The following CPEB4 variants were observed in gnomAD, a reference collection of about 807,000 sequenced individuals.
CPEB4 encodes cytoplasmic polyadenylation element-binding protein 4.
In CPEB4, 12 loss-of-function variants were observed where a neutral mutation model predicts 72.5. The observed-to-expected ratio is 0.17, with a 90% CI of 0.11 to 0.27. The LOEUF is 0.27. Among genes scored for constraint, CPEB4 ranks in the 10% least tolerant of loss-of-function variants. The pLI is 1.00. For synonymous variants in CPEB4, 302 were observed against 326.3 expected (o/e 0.93, Z 0.80); for missense variants, 614 against 908.5 (o/e 0.68, Z 4.17).
chr5:173,901,380 G>A (rs534625541), intron 1 of CPEB4, among the ~76,000 whole-genome samples: 14 of 152,238 alleles, frequency 9.2e-5, no homozygotes, highest in Non-Finnish European at 1.9e-4. Flanking sequence ...CTTCATTACA[G>A]GAGCTATAAT....
In CPEB4 at chr5:173,960,956, A is replaced by T; in HGVS notation, c.*4819A>T. On this transcript the variant is annotated 3_prime_UTR_variant, in exon 10 of 10. Coordinates refer to ENST00000265085, the MANE Select transcript of CPEB4 (RefSeq NM_030627.4). ...AACTGCATTCTCAAACTTTTAACAT[A>T]AGGATTTATTATAACAAAATATAAC... 1 of 152,356 alleles carries T rather than the reference A, an allele frequency of 6.6e-6. No homozygotes were observed. Among genetic ancestry groups the T allele is most frequent in the East Asian group, 1.9e-4 (1 of 5,192 alleles). 9.4% of individuals were successfully genotyped at this position (152,356 alleles called of 1,614,324 possible).
At chr5:173,935,075 G>A (rs1190949314) in intron 3 of CPEB4, among the ~76,000 whole-genome samples, 1 of 152,170 alleles carries the variant, frequency 6.6e-6, no homozygotes, top group African/African-American at 2.4e-5. Context: ...AAGATTCAAT[G>A]TGTGTAAATC....
At chr5:173,951,977 G>T in intron 8 of CPEB4, 39 bp downstream of exon 8, 1 of 1,305,242 alleles carries the variant, frequency 7.7e-7, no homozygotes, top group Non-Finnish European at 1.1e-6. Flanking sequence ...ACCCTATAGC[G>T]CAAGAAATAT....
In CPEB4 at chr5:173,949,944, TC is replaced by T. The variant is rs1484444994; in HGVS notation, c.1547-11del. The stretch of plus-strand genomic sequence containing the variant: ...AATAGGAAAACATGTAAGCCTTCTT[TC>T]CCCCTTTTTTCCAGGCTATGCATTC... On this transcript the variant is annotated splice_polypyrimidine_tract_variant and intron_variant, in intron 6 of 9. Coordinates refer to ENST00000265085, the MANE Select transcript of CPEB4 (RefSeq NM_030627.4). 1.3e-6 allele frequency: 2 copies of T among 1,541,372 alleles called. No individual in the cohort carries two copies. The highest frequency in any genetic ancestry group is 8.9e-7 in the Non-Finnish European group (1 of 1,117,802).
Position 173,890,411 on chromosome 5 carries a change from C to T in CPEB4, c.678C>T (p.Ile226=), listed in dbSNP as rs146138676. Residue 226 remains isoleucine, a synonymous_variant, in exon 1 of 10, where the codon ATC becomes ATT. Transcript: ENST00000265085. The part of the protein sequence containing the change: ...PGFGGSFSPQ[I]GPLSQHHPHH... Reference sequence around the variant, plus strand: ...TTGGAGGCAGCTTCTCTCCTCAGATCGGGCCTCTCTCACAGCACCACCCAC... The same window carrying T: ...TTGGAGGCAGCTTCTCTCCTCAGATTGGGCCTCTCTCACAGCACCACCCAC... The T allele has an allele frequency of 1.9e-4, 314 of 1,613,780 alleles. No homozygotes were observed. The highest frequency in any genetic ancestry group is 2.5e-4 in the Non-Finnish European group (298 of 1,179,906).
At chr5:173,954,491 G>C (rs1758315113) in intron 9 of CPEB4, among the ~76,000 whole-genome samples, 1 of 151,986 alleles carries the variant, frequency 6.6e-6, no homozygotes, top group African/African-American at 2.4e-5. Context: ...TCCTGCCTTA[G>C]CCTCCCGAGT....
At chr5:173,914,891 A>G (rs1297774946) in intron 2 of CPEB4, among the ~76,000 whole-genome samples, 2 of 152,240 alleles carry the variant, frequency 1.3e-5, no homozygotes, top group East Asian at 1.9e-4. Context: ...AATCTTAAAA[A>G]TAATTTCATA....
intron 1 of CPEB4, chr5:173,893,144 A>T (rs1252292217): frequency 6.6e-6 from 1 of 152,148 alleles, no homozygotes; most frequent in Non-Finnish European, 1.5e-5. Context: ...AATCTCTATG[A>T]CAAGAAACTC....
chr5:173,911,081 T>TAA (rs113653688), intron 2 of CPEB4, among the ~76,000 whole-genome samples: 2 of 150,038 alleles, frequency 1.3e-5, no homozygotes, highest in Admixed American at 6.6e-5. Context: ...TGTATTATGT[T>TAA]AAAAAAAAAT....
intron 9 of CPEB4, among the ~76,000 whole-genome samples, chr5:173,954,788 C>T (rs760978180): frequency 1.1e-4 from 17 of 152,144 alleles, no homozygotes; most frequent in Admixed American, 9.2e-4. Flanking sequence ...ATTTGTGTTC[C>T]TCTGCAATGA....
At chr5:173,931,608 C>G (rs1757449779) in intron 2 of CPEB4, among the ~76,000 whole-genome samples, 1 of 152,104 alleles carries the variant, frequency 6.6e-6, no homozygotes, top group Admixed American at 6.5e-5. Context: ...CATGATGATT[C>G]TTATTTTATA....
At chr5:173,954,977 C>G (rs1417311931) in intron 9 of CPEB4, among the ~76,000 whole-genome samples, 1 of 152,084 alleles carries the variant, frequency 6.6e-6, no homozygotes, top group Non-Finnish European at 1.5e-5. Context: ...CACTCTGTCA[C>G]CCAGGCTGGA....
chr5:173,948,243 A>C (rs1035809904), intron 5 of CPEB4, among the ~76,000 whole-genome samples: 7 of 152,248 alleles, frequency 4.6e-5, no homozygotes, highest in Non-Finnish European at 1.0e-4. Flanking sequence ...TAATACATGC[A>C]GGAGTCTTCA....
At chr5:173,922,039 G>A (rs1055165856) in intron 2 of CPEB4, among the ~76,000 whole-genome samples, 2 of 152,190 alleles carry the variant, frequency 1.3e-5, no homozygotes, top group African/African-American at 2.4e-5. Flanking sequence ...AACAGCTTCT[G>A]TAAAGTCACT....
chr5:173,914,687 C>A (rs1011807846), intron 2 of CPEB4, among the ~76,000 whole-genome samples: 1 of 152,046 alleles, frequency 6.6e-6, no homozygotes, highest in Non-Finnish European at 1.5e-5. Flanking sequence ...ACCTGGCAGG[C>A]GGAGGTTGCA....
chr5:173,921,473 G>A (rs886616823), intron 2 of CPEB4, among the ~76,000 whole-genome samples: 7 of 152,158 alleles, frequency 4.6e-5, no homozygotes, highest in African/African-American at 7.2e-5. Flanking sequence ...GGCTACTGAC[G>A]CTCTCCTAAA....
chr5:173,941,672 A>C (rs12523218), intron 3 of CPEB4, among the ~76,000 whole-genome samples: 8,966 of 152,148 alleles, frequency 0.059, 343 homozygotes, highest in South Asian at 0.12. Flanking sequence ...CAGGAGTTCG[A>C]GACCAATTTG....
intron 3 of CPEB4, among the ~76,000 whole-genome samples, chr5:173,940,634 A>C (rs1227877416): frequency 6.6e-6 from 1 of 152,180 alleles, no homozygotes; most frequent in African/African-American, 2.4e-5. Context: ...CTTATGGTTT[A>C]TTTTTGTGTA....
At chr5:173,937,573 C>T (rs1310049240) in intron 3 of CPEB4, among the ~76,000 whole-genome samples, 1 of 152,112 alleles carries the variant, frequency 6.6e-6, no homozygotes, top group African/African-American at 2.4e-5. Context: ...CTAAAGTGCT[C>T]TACAATTGTT....
Sources: allele counts gnomAD v4.1 joint callset (sites outside exome capture counted in the v4.1 genomes callset), GRCh38; gene constraint gnomAD v4.1.1; transcripts MANE v1.5; gene names NCBI Gene and HGNC (gene_info 2026-07-23, HGNC 2026-07-21).